TPO: variants seen among roughly 807,000 people sequenced by gnomAD.
TPO encodes thyroid microsomal antigen.
A neutral mutation model predicts 96.9 loss-of-function variants in TPO; 78 were observed. That is an observed-to-expected ratio of 0.81 (90% CI 0.67 to 0.97). The LOEUF (loss-of-function observed/expected upper bound fraction) is 0.97, where lower values mean the gene tolerates loss of function less well. Among genes scored for constraint, TPO ranks in the 50% least tolerant of loss-of-function variants. The pLI is 0.00. For synonymous variants in TPO, 547 were observed against 538.0 expected (o/e 1.02, Z -0.23); for missense variants, 1,252 against 1,274.8 (o/e 0.98, Z 0.27).
chr2:1,501,743 C>T (rs1198662972), intron 13 of TPO, among the ~76,000 whole-genome samples: 2 of 152,092 alleles, frequency 1.3e-5, no homozygotes, highest in East Asian at 3.9e-4. Context: ...AGGCATGGGC[C>T]CCCCAGGACC....
intron 1 of TPO, among the ~76,000 whole-genome samples, chr2:1,401,664 A>G (rs1022037244): frequency 6.6e-6 from 1 of 152,064 alleles, no homozygotes; most frequent in Non-Finnish European, 1.5e-5. Flanking sequence ...TCCTCCTGGC[A>G]TGGGTTTGAT....
chr2:1,537,846 ACT>A lies in TPO; in HGVS notation c.2619-2747_2619-2746del, dbSNP rs1287195356. Among the ~76,000 whole-genome samples the A allele has an allele frequency of 2.2e-4, 4 of 18,532 alleles. No individual in the cohort carries two copies. In the Admixed American group the frequency reaches 2.4e-3, roughly 11 times the overall value. The allele number at this position is 18,532 out of a possible 152,430, so 12.2% of individuals were successfully genotyped here. A position where few individuals can be genotyped will look rare whatever the true frequency, so the allele number is the denominator to read the frequency against. ...GTGAGCAACCTCCTCAAATCCCCCC[ACT>A]GTGTGCAATCTCAAATCCCCCCCAC... On this transcript the variant is annotated intron_variant, in intron 15 of 16. Transcript: ENST00000329066.
rs778592488 is a variant in TPO, at chr2:1,456,186, C to T, written c.723C>T (p.Ile241=). The T allele has an allele frequency of 2.4e-5, 39 of 1,613,992 alleles. No individual in the cohort carries two copies. Among genetic ancestry groups the T allele is most frequent in the South Asian group, 2.4e-4 (22 of 91,082 alleles). Reference sequence around the variant, plus strand: ...GGGGACAATACATCGACCACGACATCGCGTTCACACCACAGAGCACCAGCA... The same window carrying T: ...GGGGACAATACATCGACCACGACATTGCGTTCACACCACAGAGCACCAGCA... ...MAWGQYIDHD[I]AFTPQSTSKA... Residue 241 remains isoleucine, a synonymous_variant, in exon 7 of 17, where the codon ATC becomes ATT. Coordinates refer to ENST00000329066, the MANE Select transcript of TPO (RefSeq NM_001206744.2).
At chr2:1,494,060 T>C in intron 11 of TPO, 21 bp downstream of exon 11, 1 of 1,611,268 alleles carries the variant, frequency 6.2e-7, no homozygotes, top group Non-Finnish European at 8.5e-7. Context: ...ATCCAGAGCG[T>C]CTTCCTTCAC....
intron 1 of TPO, among the ~76,000 whole-genome samples, chr2:1,380,837 T>G (rs2148342979): frequency 6.6e-6 from 1 of 152,240 alleles, no homozygotes; most frequent in East Asian, 1.9e-4. Flanking sequence ...TGCAGGCTGT[T>G]TAGGAAGCAT....
intron 14 of TPO, among the ~76,000 whole-genome samples, chr2:1,509,574 C>T (rs985116169): frequency 7.4e-5 from 11 of 149,422 alleles, no homozygotes; most frequent in East Asian, 2.0e-4. Context: ...CCTCTTCTTT[C>T]GGGGATACCC....
intron 10 of TPO, among the ~76,000 whole-genome samples, chr2:1,491,072 A>G (rs1671730361): frequency 6.6e-6 from 1 of 152,148 alleles, no homozygotes; most frequent in Admixed American, 6.5e-5. Context: ...TGAGAGGCTG[A>G]GGCAGGAGAA....
intron 1 of TPO, among the ~76,000 whole-genome samples, chr2:1,375,306 G>A (rs962560321): frequency 6.6e-6 from 1 of 152,102 alleles, no homozygotes; most frequent in Admixed American, 6.5e-5. Context: ...GATTTATTTT[G>A]GTTTACAGTA....
intron 7 of TPO, among the ~76,000 whole-genome samples, chr2:1,473,974 A>G (rs1306372670): frequency 6.6e-6 from 1 of 152,096 alleles, no homozygotes; most frequent in Non-Finnish European, 1.5e-5. Context: ...TTTAAATCTT[A>G]TTTTCTCTTA....
intron 14 of TPO, among the ~76,000 whole-genome samples, chr2:1,510,117 G>C (rs1312260608): frequency 6.6e-6 from 1 of 152,164 alleles, no homozygotes; most frequent in East Asian, 1.9e-4. Flanking sequence ...TTTCAAACCA[G>C]AGCACTCTCA....
At position 1,456,057 on chromosome 2, in the gene TPO, A is replaced by C; in HGVS notation, c.613-19A>C. On this transcript the variant is annotated intron_variant, in intron 6 of 16. Transcript: ENST00000329066. ...ACAGGGTCCTCCTATGTCCTGACCA[A>C]TGGTCTCTTCCTACCCAGGTCCGGG... 1 of 1,611,926 alleles carries C rather than the reference A, an allele frequency of 6.2e-7. No individual in the cohort carries two copies. Among genetic ancestry groups the C allele is most frequent in the South Asian group, 1.1e-5 (1 of 90,490 alleles).
At chr2:1,540,895 C>T in intron 16 of TPO, 172 bp downstream of exon 16, 1 of 1,545,822 alleles carries the variant, frequency 6.5e-7, no homozygotes, top group Non-Finnish European at 8.7e-7. Flanking sequence ...TGACAGTGAG[C>T]CAGAATGTGA....
intron 15 of TPO, among the ~76,000 whole-genome samples, chr2:1,535,781 A>C (rs1573643383): frequency 2.1e-5 from 1 of 47,544 alleles, no homozygotes; most frequent in African/African-American, 7.7e-5. Context: ...AATCCCCCCA[A>C]CTCTGTGCAA....
intron 15 of TPO, among the ~76,000 whole-genome samples, chr2:1,538,145 ACCCCATACTGTGTACAACCTCCTCAAATC>A (rs981181581): frequency 2.9e-5 from 4 of 136,858 alleles, no homozygotes; most frequent in African/African-American, 8.4e-5. Flanking sequence ...CTTCTCAAAT[ACCCCATACTGTGTACAACCTCCTCAAATC>A]CCCCCTGCAG....
intron 3 of TPO, among the ~76,000 whole-genome samples, chr2:1,428,937 G>A (rs1194122903): frequency 5.9e-5 from 9 of 152,102 alleles, no homozygotes; most frequent in Admixed American, 5.2e-4. Context: ...TGGCATCCAT[G>A]AACTATGGCT....
At chr2:1,420,568 C>T (rs1233557944) in intron 2 of TPO, among the ~76,000 whole-genome samples, 1 of 152,160 alleles carries the variant, frequency 6.6e-6, no homozygotes, top group Non-Finnish European at 1.5e-5. Flanking sequence ...GTTACCTCCA[C>T]AGCTCTGCAA....
chr2:1,536,641 T>TGC (rs757530301), intron 15 of TPO, among the ~76,000 whole-genome samples: 2 of 15,608 alleles, frequency 1.3e-4, no homozygotes, highest in African/African-American at 6.4e-4. Flanking sequence ...CCTCCCCAAA[T>TGC]CCCCCCCCCC....
At chr2:1,425,463 A>G (rs1223456811) in intron 3 of TPO, among the ~76,000 whole-genome samples, 5 of 151,972 alleles carry the variant, frequency 3.3e-5, no homozygotes, top group Non-Finnish European at 7.4e-5. Flanking sequence ...GGATACAGAG[A>G]TGCGTTAGAT....
Position 1,489,193 on chromosome 2 carries a change from TCACATGCCCAG to T in TPO, c.1768+1218_1768+1228del, listed in dbSNP as rs544825728. On this transcript the variant is annotated intron_variant, in intron 10 of 16. Transcript: ENST00000329066. ...ACCTGCACACGCCTGCACATACCCA[TCACATGCCCAG>T]CACATGCCCAGCACACGCCTGCACA... is the stretch of plus-strand genomic sequence containing the variant. 4.7e-3 allele frequency among the ~76,000 whole-genome samples: 670 copies of T among 142,054 alleles called. 9 individuals are homozygous for T. Among genetic ancestry groups the T allele is most frequent in the African/African-American group, 0.016 (614 of 37,300 alleles). 93.2% of individuals were successfully genotyped at this position (142,054 alleles called of 152,430 possible).
Sources: gnomAD v4.1 joint callset for allele counts (sites outside exome capture counted in the v4.1 genomes callset) on GRCh38, gnomAD v4.1.1 for gene constraint, MANE v1.5 for transcripts, NCBI Gene and HGNC (gene_info 2026-07-23, HGNC 2026-07-21) for gene names.